The following SRPK2 variants were observed in gnomAD, a reference collection of about 807,000 sequenced individuals.
SRPK2 encodes SRSF protein kinase 2.
Under a neutral mutation model 90.8 loss-of-function variants are expected in SRPK2, and 21 were observed. The observed-to-expected ratio is 0.23, with a 90% CI of 0.16 to 0.33. The LOEUF (loss-of-function observed/expected upper bound fraction) is 0.33. Ranked by LOEUF, SRPK2 falls within the 10% of genes least tolerant of loss-of-function variation. SRPK2 has a pLI of 1.00. For synonymous variants in SRPK2, 288 were observed against 311.1 expected (o/e 0.93, Z 0.78); for missense variants, 620 against 869.0 (o/e 0.71, Z 3.60).
At chr7:105,309,025 G>C (rs544101001) in intron 2 of SRPK2, among the ~76,000 whole-genome samples, 1 of 152,132 alleles carries the variant, frequency 6.6e-6, no homozygotes, top group African/African-American at 2.4e-5. Flanking sequence ...CGATGTGCTT[G>C]TGATCACTCC....
intron 1 of SRPK2, among the ~76,000 whole-genome samples, chr7:105,396,588 G>A (rs532055875): frequency 6.6e-6 from 1 of 151,688 alleles, no homozygotes; most frequent in South Asian, 2.1e-4. Context: ...CTGAGATTGC[G>A]CCACTGCACT....
intron 2 of SRPK2, among the ~76,000 whole-genome samples, chr7:105,274,717 T>C (rs1173251500): frequency 2.0e-5 from 3 of 152,030 alleles, no homozygotes; most frequent in Non-Finnish European, 4.4e-5. Flanking sequence ...TTCATCATGA[T>C]TGCTTCCTTG....
chr7:105,312,700 A>G (rs1294307348), intron 2 of SRPK2, among the ~76,000 whole-genome samples: 1 of 152,216 alleles, frequency 6.6e-6, no homozygotes, highest in Non-Finnish European at 1.5e-5. Flanking sequence ...GAAGCCAGTA[A>G]ATCAACTATT....
intron 2 of SRPK2, among the ~76,000 whole-genome samples, chr7:105,272,940 C>G (rs1478652941): frequency 6.6e-6 from 1 of 152,096 alleles, no homozygotes; most frequent in African/African-American, 2.4e-5. Context: ...CCCGGCCGGG[C>G]GCGGTGGCTC....
chr7:105,174,909 C>T (rs1487513503), intron 3 of SRPK2, among the ~76,000 whole-genome samples: 1 of 151,972 alleles, frequency 6.6e-6, no homozygotes, highest in East Asian at 1.9e-4. Flanking sequence ...TTTGGGAGGC[C>T]GAGGCAGGTG....
chr7:105,173,155 C>G (rs1234260884), intron 3 of SRPK2, among the ~76,000 whole-genome samples: 1 of 151,996 alleles, frequency 6.6e-6, no homozygotes, highest in Admixed American at 6.6e-5. Context: ...GCTCTGTCAC[C>G]CAGGCTGGAG....
intron 2 of SRPK2, among the ~76,000 whole-genome samples, chr7:105,208,580 A>G (rs1007222296): frequency 6.6e-6 from 1 of 152,136 alleles, no homozygotes; most frequent in Admixed American, 6.5e-5. Context: ...AAATGTCTAG[A>G]ACAGATAAAT....
At chr7:105,201,405 C>T (rs1795538094) in intron 3 of SRPK2, among the ~76,000 whole-genome samples, 1 of 152,104 alleles carries the variant, frequency 6.6e-6, no homozygotes, top group Non-Finnish European at 1.5e-5. Context: ...TACCTAGAAA[C>T]AGCCCCGGCT....
At chr7:105,325,687 A>G (rs182836012) in intron 2 of SRPK2, among the ~76,000 whole-genome samples, 1 of 152,216 alleles carries the variant, frequency 6.6e-6, no homozygotes, top group Admixed American at 6.5e-5. Context: ...ATGCCTACAA[A>G]AAGTTAAAAA....
chr7:105,130,496 A>C (rs1801845797), intron 13 of SRPK2, among the ~76,000 whole-genome samples: 1 of 152,056 alleles, frequency 6.6e-6, no homozygotes, highest in South Asian at 2.1e-4. Context: ...TCTGCAGTGA[A>C]CTATAGTCCT....
chr7:105,193,646 T>C (rs1470261473), intron 3 of SRPK2, among the ~76,000 whole-genome samples: 2 of 152,254 alleles, frequency 1.3e-5, no homozygotes. Flanking sequence ...TTCGCAATAC[T>C]GATTCTACCC....
intron 10 of SRPK2, 118 bp downstream of exon 10, chr7:105,142,966 G>A: frequency 7.4e-7 from 1 of 1,350,732 alleles, no homozygotes; most frequent in Non-Finnish European, 1.0e-6. Context: ...GGGAGTTGGA[G>A]AGAATCATCC....
At chr7:105,281,882 C>T (rs1364558187) in intron 2 of SRPK2, among the ~76,000 whole-genome samples, 1 of 152,102 alleles carries the variant, frequency 6.6e-6, no homozygotes, top group Non-Finnish European at 1.5e-5. Flanking sequence ...TGGCAATATT[C>T]CCCAAATTAA....
At chr7:105,374,274 C>CA (rs1258129467) in intron 2 of SRPK2, among the ~76,000 whole-genome samples, 2 of 152,042 alleles carry the variant, frequency 1.3e-5, no homozygotes, top group Admixed American at 6.6e-5. Context: ...CAGTCTAAGT[C>CA]AAAAAAACCT....
chr7:105,124,443 C>G (rs924158150), intron 15 of SRPK2, among the ~76,000 whole-genome samples: 1 of 151,964 alleles, frequency 6.6e-6, no homozygotes, highest in Admixed American at 6.6e-5. Flanking sequence ...GAGTTCGAGA[C>G]CAGCCTGGCC....
chr7:105,229,320 C>A (rs570575613), intron 2 of SRPK2, among the ~76,000 whole-genome samples: 7 of 152,150 alleles, frequency 4.6e-5, no homozygotes, highest in East Asian at 3.9e-4. Context: ...AAAAATTAGC[C>A]GGGCATAGCG....
At chr7:105,313,022 T>C (rs922638748) in intron 2 of SRPK2, among the ~76,000 whole-genome samples, 1 of 152,062 alleles carries the variant, frequency 6.6e-6, no homozygotes, top group Non-Finnish European at 1.5e-5. Flanking sequence ...TTGAAACTAC[T>C]AATGAATTAA....
chr7:105,183,894 G>A (rs960240849), intron 3 of SRPK2, among the ~76,000 whole-genome samples: 1 of 151,708 alleles, frequency 6.6e-6, no homozygotes, highest in African/African-American at 2.4e-5. Context: ...GTTCAACTTC[G>A]CTGAATGTAT....
chr7:105,151,854 T>C (rs544447689), intron 7 of SRPK2, among the ~76,000 whole-genome samples: 1 of 152,098 alleles, frequency 6.6e-6, no homozygotes, highest in East Asian at 2.0e-4. Flanking sequence ...TGAAACCCCC[T>C]CTCTACTAAA....
Sources: gnomAD v4.1 joint callset for allele counts (sites outside exome capture counted in the v4.1 genomes callset) on GRCh38, gnomAD v4.1.1 for gene constraint, MANE v1.5 for transcripts, NCBI Gene and HGNC (gene_info 2026-07-23, HGNC 2026-07-21) for gene names.